Variants in EVC observed in about 807,000 individuals in gnomAD.
EVC encodes the protein evC complex member EVC.
In EVC, 116 loss-of-function variants were observed where a neutral mutation model predicts 118.9. The ratio of observed to expected loss-of-function variants is 0.98; its 90% confidence interval spans 0.84 to 1.14. The LOEUF is 1.14. EVC is among the 50% of genes most tolerant of loss of function. The pLI, the probability that EVC is intolerant of heterozygous loss-of-function variation, is 0.00. For synonymous variants in EVC, 619 were observed against 534.7 expected (o/e 1.16, Z -2.18); for missense variants, 1,401 against 1,246.4 (o/e 1.12, Z -1.87).
Position 5,731,577 on chromosome 4 carries a change from C to T in EVC, c.537C>T (p.His179=). 1 of 1,614,160 alleles carries T rather than the reference C, an allele frequency of 6.2e-7. No individual in the cohort carries two copies. The change falls in exon 4 of 21, where the codon CAC becomes CAT. Residue 179 remains histidine, a synonymous_variant. Coordinates refer to ENST00000264956, the MANE Select transcript of EVC (RefSeq NM_153717.3). The surrounding 1 kb of genome is among the most constrained non-coding windows in gnomAD (Gnocchi z 5.6). ...KDDCSSSSSV[H]SATSDDRFLS... Reference sequence around the variant, plus strand: ...ACTGCAGCTCCTCATCCAGCGTCCACTCGGCCACCAGCGATGACAGGTTTC... The same window carrying T: ...ACTGCAGCTCCTCATCCAGCGTCCATTCGGCCACCAGCGATGACAGGTTTC...
chr4:5,790,877 T>TG (rs1442932196), intron 12 of EVC, among the ~76,000 whole-genome samples: 1 of 152,130 alleles, frequency 6.6e-6, no homozygotes, highest in Non-Finnish European at 1.5e-5. Flanking sequence ...ATGGATCACT[T>TG]GAGGTCAGGA....
chr4:5,711,214 G>T lies in EVC; in HGVS notation c.-167G>T. 3.2e-6 allele frequency: 1 copy of T among 312,698 alleles called. No individual in the cohort carries two copies. The highest frequency in any genetic ancestry group is 4.7e-6 in the Non-Finnish European group (1 of 214,074). 19.4% of individuals were successfully genotyped at this position (312,698 alleles called of 1,614,324 possible). ...AGGCTCCTCCCTCCGGCTCGGCGAA[G>T]CAGGGAAGGGGAGAGAAGCAGGAGT... is the stretch of plus-strand genomic sequence containing the variant. On this transcript the variant is annotated 5_prime_UTR_variant, in exon 1 of 21. Coordinates refer to ENST00000264956, the MANE Select transcript of EVC (RefSeq NM_153717.3).
At chr4:5,783,790 C>A in intron 12 of EVC, 26 bp downstream of exon 12, 1 of 1,577,338 alleles carries the variant, frequency 6.3e-7, no homozygotes, top group South Asian at 1.1e-5. Context: ...AACCCAGGGG[C>A]TGGGGTCTGC....
intron 6 of EVC, among the ~76,000 whole-genome samples, chr4:5,744,960 A>G (rs1374821827): frequency 7.1e-6 from 1 of 140,174 alleles, no homozygotes; most frequent in African/African-American, 2.9e-5. Flanking sequence ...TTTTTAAAGT[A>G]TGGTCTAGTT....
At chr4:5,828,433 A>C in the EVC span, 1 of 1,584,526 alleles carries the variant, frequency 6.3e-7, no homozygotes, top group Admixed American at 1.8e-5. Context: ...ATTCCCCAAG[A>C]GACGCTGTCG....
At chr4:5,713,475 C>T (rs1283416059) in intron 1 of EVC, among the ~76,000 whole-genome samples, 1 of 152,022 alleles carries the variant, frequency 6.6e-6, no homozygotes, top group African/African-American at 2.4e-5. Context: ...GTCAGGAGTT[C>T]GAGACCAGCC....
rs781199126 is a variant in EVC, at chr4:5,797,108, C to A, written c.1973C>A (p.Thr658Asn). Residue 658 changes from threonine (T) to asparagine (N), a missense_variant, in exon 14 of 21, where the codon ACC becomes AAC. By Grantham distance (65) the Thr-to-Asn change is moderately conservative. Coordinates refer to ENST00000264956, the MANE Select transcript of EVC (RefSeq NM_153717.3). Reference sequence around the variant, plus strand: ...GCACTCCGCGGCAACGCCCTGGCCACCCTGACGCAGATGCGGCTATCGGGG... The same window carrying A: ...GCACTCCGCGGCAACGCCCTGGCCAACCTGACGCAGATGCGGCTATCGGGG... Reference protein sequence around the residue: ...RLALRGNALATLTQMRLSGKK... With the variant: ...RLALRGNALANLTQMRLSGKK... 26 of 1,613,592 alleles carry A rather than the reference C, an allele frequency of 1.6e-5. No individual in the cohort carries two copies. The highest frequency in any genetic ancestry group is 2.2e-5 in the Non-Finnish European group (26 of 1,180,022).
chr4:5,828,781 TTCTC>T, the EVC span: 15 of 1,299,554 alleles, frequency 1.2e-5, no homozygotes, highest in East Asian at 2.5e-5. Context: ...ATGTTTTTTT[TTCTC>T]TCTAAAAATA....
At chr4:5,718,409 A>T (rs986664160) in intron 1 of EVC, among the ~76,000 whole-genome samples, 9 of 152,178 alleles carry the variant, frequency 5.9e-5, no homozygotes, top group African/African-American at 1.9e-4. Context: ...CCATTTCTCC[A>T]GAGGGCATGT....
downstream of EVC, among the ~76,000 whole-genome samples, chr4:5,814,801 C>T (rs1229564906): frequency 6.6e-6 from 1 of 152,048 alleles, no homozygotes; most frequent in South Asian, 2.1e-4. Context: ...CTCCTAGCCA[C>T]TCCTCACATG....
intron 11 of EVC, among the ~76,000 whole-genome samples, chr4:5,769,272 A>T (rs1474317495): frequency 6.6e-6 from 1 of 152,056 alleles, no homozygotes; most frequent in African/African-American, 2.4e-5. Context: ...AAACCATCAG[A>T]TCTCATGAGA....
chr4:5,820,236 A>C, the EVC span, among the ~76,000 whole-genome samples: 1 of 152,174 alleles, frequency 6.6e-6, no homozygotes, highest in Non-Finnish European at 1.5e-5. Flanking sequence ...TGTCATTACC[A>C]GCAACTTCAT....
intron 12 of EVC, 35 bp from the exon 13 acceptor site, chr4:5,793,573 C>T: frequency 1.3e-6 from 2 of 1,512,844 alleles, no homozygotes; most frequent in East Asian, 2.5e-5. Context: ...AGTGAGTAAC[C>T]ACATGCCTGC....
Position 5,731,450 on chromosome 4 carries a change from C to T in EVC, c.410C>T (p.Pro137Leu). 3.7e-6 allele frequency: 6 copies of T among 1,613,500 alleles called. No individual in the cohort carries two copies. Among genetic ancestry groups the T allele is most frequent in the East Asian group, 4.5e-5 (2 of 44,876 alleles). Residue 137 changes from proline (P) to leucine (L), a missense_variant, in exon 4 of 21, where the codon CCG becomes CTG. Transcript: ENST00000264956. This position sits in a 1 kb window ranked among gnomAD's most constrained non-coding sequence, Gnocchi z 5.6. The part of the protein sequence containing the change: ...FRPLADGSSN[P>L]SLHENLKQAV... ...CCTCTGGCCGATGGCTCCTCCAACC[C>T]GTCTCTGCATGAAAACTTAAAGCAG...
chr4:5,711,525 C>G lies in EVC; in HGVS notation c.145C>G (p.Arg49Gly), dbSNP rs1723019121. 1.7e-6 allele frequency: 2 copies of G among 1,169,354 alleles called. No individual in the cohort carries two copies. The highest frequency in any genetic ancestry group is 2.1e-6 in the Non-Finnish European group (2 of 948,076). 72.4% of individuals were successfully genotyped at this position (1,169,354 alleles called of 1,614,324 possible). ...GLGLGLWLGCRAGRQRTRHQK... is the reference protein window; with the variant it reads ...GLGLGLWLGCGAGRQRTRHQK... ...CGGCCTCGGCCTTTGGCTTGGCTGC[C>G]GCGCGGGCCGCCAGCGCACGCGACA... The change falls in exon 1 of 21, where the codon CGC becomes GGC. Residue 49 changes from arginine to glycine, a missense_variant. By Grantham distance (125) the Arg-to-Gly change is moderately radical. Coordinates refer to ENST00000264956, the MANE Select transcript of EVC (RefSeq NM_153717.3).
In EVC at chr4:5,748,283, G is replaced by A. The variant is rs150923920; in HGVS notation, c.1075G>A (p.Asp359Asn). The change falls in exon 8 of 21, where the codon GAT becomes AAT. Residue 359 changes from aspartate (D) to asparagine (N), a missense_variant. Coordinates refer to ENST00000264956, the MANE Select transcript of EVC (RefSeq NM_153717.3). ...RMIAAEGLLC[D>N]SQELQALDAL... is the part of the protein sequence containing the mutation. ...GATTGCAGCCGAAGGGCTATTGTGC[G>A]ATTCTCAGGAGCTGCAGGCTCTGGT... 4.4e-5 allele frequency: 71 copies of A among 1,614,010 alleles called. No individual in the cohort carries two copies. The highest frequency in any genetic ancestry group is 5.3e-5 in the Non-Finnish European group (62 of 1,180,018).
At chr4:5,788,693 A>C (rs764877845) in intron 12 of EVC, among the ~76,000 whole-genome samples, 8 of 152,104 alleles carry the variant, frequency 5.3e-5, no homozygotes, top group Non-Finnish European at 8.8e-5. Flanking sequence ...GAATGTAACC[A>C]CTATTCAGCA....
intron 11 of EVC, among the ~76,000 whole-genome samples, chr4:5,764,264 G>C (rs1209525525): frequency 2.1e-5 from 3 of 141,346 alleles, no homozygotes; most frequent in Non-Finnish European, 4.6e-5. Context: ...ACTTGATCAT[G>C]GTGGATAAGC....
In EVC at chr4:5,810,499, C is replaced by T. The variant is rs200140747; in HGVS notation, c.2894+49C>T. 301 of 1,404,372 alleles carry T rather than the reference C, an allele frequency of 2.1e-4. 1 individual carries two copies. The African/African-American group carries it at 3.1e-3, about 15-fold the overall frequency. The allele number at this position is 1,404,372 out of a possible 1,614,324, so 87.0% of individuals were successfully genotyped here. Reference sequence around the variant, plus strand: ...TGCCTGTGGCTGGGTTTGGTAAATGCACTCAGCTGCTGTGTGCCAAAAGTC... The same window carrying T: ...TGCCTGTGGCTGGGTTTGGTAAATGTACTCAGCTGCTGTGTGCCAAAAGTC... On this transcript the variant is annotated intron_variant, in intron 20 of 20. Transcript: ENST00000264956.
Sources: allele counts gnomAD v4.1 joint callset (sites outside exome capture counted in the v4.1 genomes callset), GRCh38; gene constraint gnomAD v4.1.1; non-coding constraint Gnocchi (gnomAD v3.1); transcripts MANE v1.5; gene names NCBI Gene and HGNC (gene_info 2026-07-23, HGNC 2026-07-21).